Variants in KAZN observed in about 807,000 individuals in gnomAD.
KAZN encodes the protein kazrin, periplakin interacting protein.
A neutral mutation model predicts 87.4 loss-of-function variants in KAZN; 40 were observed. The observed-to-expected ratio is 0.46, with a 90% CI of 0.36 to 0.60. The LOEUF is 0.60. Among genes scored for constraint, KAZN ranks in the 20% least tolerant of loss-of-function variants. The probability of loss-of-function intolerance (pLI) is 0.00; values close to 1 mark genes in which losing one functional copy is unlikely to be tolerated. For missense variants in KAZN, 898 were observed against 1,073.9 expected, an observed-to-expected ratio of 0.84 and a Z score of 2.29; for synonymous variants, 466 against 458.3, an observed-to-expected ratio of 1.02 and a Z score of -0.22.
chr1:14,746,786 C>T (rs568942921), intron 1 of KAZN, among the ~76,000 whole-genome samples: 1 of 152,112 alleles, frequency 6.6e-6, no homozygotes, highest in Non-Finnish European at 1.5e-5. Flanking sequence ...TCAAAGTAGT[C>T]GTCTAGAGAT....
chr1:13,958,715 G>C (rs1641642601), intron 1 of KAZN, among the ~76,000 whole-genome samples: 1 of 152,132 alleles, frequency 6.6e-6, no homozygotes, highest in Admixed American at 6.5e-5. Flanking sequence ...AGAACTGGTG[G>C]TGACGAGGCC....
At chr1:14,525,857 G>T (rs1431839185) in intron 2 of KAZN, among the ~76,000 whole-genome samples, 1 of 152,206 alleles carries the variant, frequency 6.6e-6, no homozygotes, top group African/African-American at 2.4e-5. Context: ...GGGGAAACAG[G>T]TTTAGAGAGT....
At chr1:14,463,190 A>G (rs935222195) in intron 2 of KAZN, among the ~76,000 whole-genome samples, 1 of 152,176 alleles carries the variant, frequency 6.6e-6, no homozygotes, top group African/African-American at 2.4e-5. Flanking sequence ...CTACGGAAAA[A>G]GGTGGTAGCT....
intron 1 of KAZN, among the ~76,000 whole-genome samples, chr1:14,604,074 C>G (rs781669906): frequency 6.6e-6 from 1 of 152,180 alleles, no homozygotes; most frequent in African/African-American, 2.4e-5. Context: ...TTCTTACCCC[C>G]TGCCATATAT....
intron 10 of KAZN, among the ~76,000 whole-genome samples, chr1:15,095,324 G>A (rs1296082316): frequency 6.6e-6 from 1 of 151,832 alleles, no homozygotes; most frequent in Admixed American, 6.6e-5. Flanking sequence ...GAAAAACGGT[G>A]CAAGGCAGAG....
At chr1:14,972,586 G>C (rs1207304151) in intron 2 of KAZN, among the ~76,000 whole-genome samples, 1 of 151,432 alleles carries the variant, frequency 6.6e-6, no homozygotes, top group Non-Finnish European at 1.5e-5. Context: ...CACAATCTCA[G>C]CTCACTGCAA....
At chr1:14,644,585 T>C (rs1204121984) in intron 1 of KAZN, among the ~76,000 whole-genome samples, 2 of 152,086 alleles carry the variant, frequency 1.3e-5, no homozygotes, top group African/African-American at 4.8e-5. Flanking sequence ...ATGGTCTTGA[T>C]CTCCTGAGCT....
intron 2 of KAZN, among the ~76,000 whole-genome samples, chr1:14,468,683 G>A (rs1233632320): frequency 1.3e-5 from 2 of 152,336 alleles, no homozygotes; most frequent in African/African-American, 4.8e-5. Flanking sequence ...TGGAGATTGA[G>A]TGCAGGCAAG....
At chr1:14,838,814 G>T (rs956114139) in intron 1 of KAZN, among the ~76,000 whole-genome samples, 3 of 152,102 alleles carry the variant, frequency 2.0e-5, no homozygotes, top group African/African-American at 7.2e-5. Context: ...TAGAGACAAG[G>T]TTTCACTCTA....
intron 2 of KAZN, among the ~76,000 whole-genome samples, chr1:14,548,424 C>T (rs535791562): frequency 1.3e-5 from 2 of 152,200 alleles, no homozygotes; most frequent in South Asian, 4.2e-4. Context: ...GTCTCGAACC[C>T]CTGACATCAG....
At chr1:14,540,881 C>T (rs939497892) in intron 2 of KAZN, among the ~76,000 whole-genome samples, 1 of 152,144 alleles carries the variant, frequency 6.6e-6, no homozygotes, top group Non-Finnish European at 1.5e-5. Flanking sequence ...TGCATATCTC[C>T]ATAGAGAGAG....
intron 2 of KAZN, among the ~76,000 whole-genome samples, chr1:14,299,662 A>G (rs1247107012): frequency 6.6e-6 from 1 of 152,224 alleles, no homozygotes; most frequent in Non-Finnish European, 1.5e-5. Flanking sequence ...ACTGGGCTAC[A>G]GATCACACTC....
At chr1:14,665,637 G>A (rs1269055540) in intron 1 of KAZN, among the ~76,000 whole-genome samples, 1 of 152,074 alleles carries the variant, frequency 6.6e-6, no homozygotes, top group Non-Finnish European at 1.5e-5. Context: ...GAACCTCTCA[G>A]TGTATCCGTT....
chr1:14,360,565 A>T lies in KAZN; in HGVS notation c.249+179973A>T, dbSNP rs572498466. On this transcript the variant is annotated intron_variant, in intron 2 of 16. Transcript: ENST00000636203. ...TCAGCCTTTTTGTGCATTTTTTTTT[A>T]ATCTTCGTGGATTTATCTCCCTTTG... 2.0e-4 allele frequency among the ~76,000 whole-genome samples: 30 copies of T among 151,910 alleles called. 1 individual carries two copies. The highest frequency in any genetic ancestry group is 7.2e-4 in the African/African-American group (30 of 41,426).
intron 2 of KAZN, among the ~76,000 whole-genome samples, chr1:14,428,838 C>T (rs1376000111): frequency 1.3e-5 from 2 of 152,060 alleles, no homozygotes; most frequent in East Asian, 3.9e-4. Flanking sequence ...CCTCCCATGA[C>T]ACATGGGGAT....
In KAZN at chr1:15,094,422, TG is replaced by T; in HGVS notation, c.1428+38del. ...CGGGCCCCCTATGGGATGCCACCCA[TG>T]CCCTCTGTGAGCTTTACGTACCCAG... On this transcript the variant is annotated intron_variant, in intron 9 of 14. Coordinates refer to ENST00000376030, the MANE Select transcript of KAZN (RefSeq NM_201628.3). This position sits in a 1 kb window ranked among gnomAD's most constrained non-coding sequence, Gnocchi z 4.5. The T allele has an allele frequency of 6.4e-7, 1 of 1,569,110 alleles. No individual in the cohort carries two copies. The highest frequency in any genetic ancestry group is 1.2e-5 in the South Asian group (1 of 86,700).
At chr1:14,387,176 G>A (rs537391263) in intron 2 of KAZN, among the ~76,000 whole-genome samples, 2 of 152,118 alleles carry the variant, frequency 1.3e-5, no homozygotes, top group South Asian at 2.1e-4. Flanking sequence ...GCTCCTTTAA[G>A]CACTTCTCTG....
intron 2 of KAZN, among the ~76,000 whole-genome samples, chr1:14,418,579 G>T (rs1665037088): frequency 6.6e-6 from 1 of 152,170 alleles, no homozygotes; most frequent in African/African-American, 2.4e-5. Context: ...ATCAGGCAAG[G>T]AAAATGAGTT....
chr1:14,342,481 C>T (rs1657804640), intron 2 of KAZN, among the ~76,000 whole-genome samples: 1 of 152,206 alleles, frequency 6.6e-6, no homozygotes, highest in Admixed American at 6.5e-5. Flanking sequence ...CATACAAACT[C>T]TATGAGGGCA....
Sources: gnomAD v4.1 joint callset for allele counts (sites outside exome capture counted in the v4.1 genomes callset) on GRCh38, gnomAD v4.1.1 for gene constraint, Gnocchi (gnomAD v3.1) non-coding constraint, MANE v1.5 for transcripts, NCBI Gene and HGNC (gene_info 2026-07-23, HGNC 2026-07-21) for gene names.